Variants in HP1BP3 observed in about 807,000 individuals in gnomAD.
HP1BP3 encodes the protein heterochromatin protein 1 binding protein 3, also known as heterochromatin protein 1-binding protein 3.
Under a neutral mutation model 62.5 loss-of-function variants are expected in HP1BP3, and 12 were observed. The ratio of observed to expected loss-of-function variants is 0.19; its 90% confidence interval spans 0.12 to 0.31. The LOEUF (loss-of-function observed/expected upper bound fraction) is 0.31, where lower values mean the gene tolerates loss of function less well. Among genes scored for constraint, HP1BP3 ranks in the 10% least tolerant of loss-of-function variants. HP1BP3 has a pLI of 1.00. For missense variants in HP1BP3, 502 were observed against 651.8 expected (o/e 0.77, Z 2.50); for synonymous variants, 260 against 237.8 (o/e 1.09, Z -0.86).
rs750670311 is a variant in HP1BP3 at position 20,780,294 on chromosome 1, G to T, written c.96+51C>A. ...TACCAAGAAGGACCCAGCAGGGCCT[G>T]AAGTCAGGGATTGATCCAAGAGTGA... is the stretch of plus-strand genomic sequence containing the variant. On this transcript the variant is annotated intron_variant, in intron 2 of 12. Transcript: ENST00000438032. 13 of 1,325,788 alleles carry T rather than the reference G, an allele frequency of 9.8e-6. No homozygotes were observed. In the East Asian group the frequency reaches 2.8e-4, roughly 28 times the overall value. 82.1% of individuals were successfully genotyped at this position (1,325,788 alleles called of 1,614,324 possible).
rs966681805 is a variant in HP1BP3 at position 20,760,464 on chromosome 1, C to T, written c.891-3208G>A. Among the ~76,000 whole-genome samples the T allele has an allele frequency of 3.3e-5, 5 of 152,004 alleles. No individual in the cohort carries two copies. In the South Asian group the frequency reaches 1.0e-3, roughly 32 times the overall value. ...GCCACAGTGGGAGGATCGTTTGAGC[C>T]TAGGAGTTCGAGGTTGCCATGAGCC... On this transcript the variant is annotated intron_variant, in intron 8 of 12. Transcript: ENST00000438032.
intron 1 of HP1BP3, among the ~76,000 whole-genome samples, chr1:20,781,558 C>T (rs2057548831): frequency 6.6e-6 from 1 of 152,182 alleles, no homozygotes; most frequent in Non-Finnish European, 1.5e-5. Context: ...ATCTTTCAGT[C>T]AGCTGAAAGA....
intron 8 of HP1BP3, among the ~76,000 whole-genome samples, chr1:20,758,479 T>C (rs974560830): frequency 1.3e-5 from 2 of 152,040 alleles, no homozygotes; most frequent in Non-Finnish European, 2.9e-5. Context: ...CCTAAGTAGC[T>C]GGGACTACAG....
rs1326299884 is a variant in HP1BP3 at position 20,744,665 on chromosome 1, A to T, written c.*132T>A. On this transcript the variant is annotated 3_prime_UTR_variant, in exon 13 of 13. Coordinates refer to ENST00000438032, the MANE Select transcript of HP1BP3 (RefSeq NM_001372052.1). ...CAAATGCCTAAACTGGTTTATTTAG[A>T]GTCCCTCCCCACAATGTTCATAGGG... The T allele has an allele frequency of 1.9e-5, 16 of 825,070 alleles. No individual in the cohort carries two copies. The highest frequency in any genetic ancestry group is 3.0e-5 in the Non-Finnish European group (16 of 536,564). 51.1% of individuals were successfully genotyped at this position (825,070 alleles called of 1,614,324 possible).
At chr1:20,764,465 T>A (rs1570616113) in intron 8 of HP1BP3, among the ~76,000 whole-genome samples, 1 of 151,842 alleles carries the variant, frequency 6.6e-6, no homozygotes, top group Non-Finnish European at 1.5e-5. Context: ...TGCCTCAGCC[T>A]CCTGAGTAGC....
intron 8 of HP1BP3, among the ~76,000 whole-genome samples, chr1:20,762,743 TTAA>T (rs1300098632): frequency 6.6e-6 from 1 of 152,148 alleles, no homozygotes; most frequent in Admixed American, 6.5e-5. Context: ...CTTACATATA[TTAA>T]TGTCTCATGT....
intron 1 of HP1BP3, among the ~76,000 whole-genome samples, chr1:20,784,200 G>A (rs1014536434): frequency 6.6e-6 from 1 of 151,944 alleles, no homozygotes; most frequent in Non-Finnish European, 1.5e-5. Context: ...AAACTCCTGG[G>A]CTCAAGCGAT....
At chr1:20,780,220 T>C in intron 2 of HP1BP3, 125 bp downstream of exon 2, 1 of 695,210 alleles carries the variant, frequency 1.4e-6, no homozygotes, top group Non-Finnish European at 2.5e-6. Context: ...GAATCTGATT[T>C]TGTTTCAAAT....
intron 9 of HP1BP3, among the ~76,000 whole-genome samples, chr1:20,750,855 T>C (rs1408676093): frequency 3.4e-5 from 5 of 149,080 alleles, no homozygotes; most frequent in African/African-American, 9.9e-5. Flanking sequence ...TCTCGCTCTG[T>C]TGCCCAGGCT....
At chr1:20,763,692 A>C (rs1428934139) in intron 8 of HP1BP3, among the ~76,000 whole-genome samples, 4 of 152,208 alleles carry the variant, frequency 2.6e-5, no homozygotes, top group Admixed American at 6.5e-5. Flanking sequence ...TGAATCTACA[A>C]CTGAGCAAAT....
At chr1:20,758,794 A>G (rs1182228889) in intron 8 of HP1BP3, among the ~76,000 whole-genome samples, 2 of 151,698 alleles carry the variant, frequency 1.3e-5, no homozygotes, top group Non-Finnish European at 2.9e-5. Context: ...GACTATAGGC[A>G]CATGCCACTA....
chr1:20,768,634 G>C (rs2056904563), intron 6 of HP1BP3, among the ~76,000 whole-genome samples: 1 of 152,048 alleles, frequency 6.6e-6, no homozygotes, highest in African/African-American at 2.4e-5. Context: ...GAGGTCAAGA[G>C]TTTGAAACCA....
rs1298167978 is a variant in HP1BP3 at position 20,744,874 on chromosome 1, T to C, written c.1585A>G (p.Thr529Ala). The change falls in exon 13 of 13, where the codon ACC becomes GCC. Residue 529 changes from threonine (T) to alanine (A), a missense_variant. Around this residue, in one of 5 missense-constraint regions of HP1BP3, gnomAD observed 194 missense variants for 207.0 expected, o/e 0.94. Transcript: ENST00000438032. ...PSGGSSKKPA[T>A]SARKEVKLPG... ...AATTTTACTTCCTTTCTTGCACTGG[T>C]TGCAGGCTTCTTTGAGGAGCCACCA... The C allele has an allele frequency of 1.9e-6, 3 of 1,614,090 alleles. No homozygotes were observed. The highest frequency in any genetic ancestry group is 2.2e-5 in the East Asian group (1 of 44,896).
At chr1:20,785,323 G>A (rs1476981705) in intron 1 of HP1BP3, among the ~76,000 whole-genome samples, 1 of 152,230 alleles carries the variant, frequency 6.6e-6, no homozygotes, top group Non-Finnish European at 1.5e-5. Flanking sequence ...GAAAAGTGAG[G>A]AGTTTAACAA....
rs1214299017 is a variant in HP1BP3 at position 20,740,875 on chromosome 1, A to G, written c.*3922T>C. Among the ~76,000 whole-genome samples, 1 of 152,238 alleles carries G rather than the reference A, an allele frequency of 6.6e-6. No individual in the cohort carries two copies. Among genetic ancestry groups the G allele is most frequent in the Non-Finnish European group, 1.5e-5 (1 of 68,044 alleles). On this transcript the variant is annotated 3_prime_UTR_variant, in exon 13 of 13. Transcript: ENST00000438032. ...AGACGGTAGAGATTAATTTCTTAAG[A>G]AAATAATGCAGCTGATTAGGGGTAC...
intron 5 of HP1BP3, among the ~76,000 whole-genome samples, chr1:20,773,136 T>C (rs2057135031): frequency 6.6e-6 from 1 of 152,206 alleles, no homozygotes; most frequent in Non-Finnish European, 1.5e-5. Context: ...AGGAAGGTAG[T>C]CCTTAAATGT....
chr1:20,758,667 A>G (rs2056278518), intron 8 of HP1BP3, among the ~76,000 whole-genome samples: 1 of 129,754 alleles, frequency 7.7e-6, no homozygotes, highest in Non-Finnish European at 1.6e-5. Context: ...TTTTTCTGAG[A>G]GAGGATCTCA....
chr1:20,756,862 T>C (rs1471167646), intron 9 of HP1BP3, among the ~76,000 whole-genome samples: 1 of 152,062 alleles, frequency 6.6e-6, no homozygotes, highest in African/African-American at 2.4e-5. Context: ...ACCACAGGCA[T>C]GTGCCCCCAC....
chr1:20,786,294 G>A (rs1454716400), intron 1 of HP1BP3: 1 of 152,260 alleles, frequency 6.6e-6, no homozygotes, highest in African/African-American at 2.4e-5. Flanking sequence ...CTAAGGTGGC[G>A]AGTAACCAGT....
Sources: allele counts gnomAD v4.1 joint callset (sites outside exome capture counted in the v4.1 genomes callset), GRCh38; gene constraint gnomAD v4.1.1; regional missense constraint gnomAD v4.1.1; transcripts MANE v1.5; gene names NCBI Gene and HGNC (gene_info 2026-07-23, HGNC 2026-07-21).